POLR1C: variants seen among roughly 807,000 people sequenced by gnomAD.
POLR1C encodes the protein DNA-directed RNA polymerases I and III subunit RPAC1.
Under a neutral mutation model 38.3 loss-of-function variants are expected in POLR1C, and 42 were observed. That is an observed-to-expected ratio of 1.10 (90% CI 0.86 to 1.42). The LOEUF is 1.42. Ranked by LOEUF, POLR1C falls within the 40% of genes most tolerant of loss-of-function variation. The pLI is 0.00. For missense variants in POLR1C, 507 were observed against 450.5 expected (o/e 1.13, Z -1.14); for synonymous variants, 163 against 163.9 (o/e 0.99, Z 0.04).
chr6:43,544,297 T>C (rs6936089), intron 9 of POLR1C: 4,996 of 156,006 alleles, frequency 0.032, 264 homozygotes, highest in African/African-American at 0.11. Flanking sequence ...TGTCTTTCTA[T>C]AGAAAATAGG....
At chr6:43,533,667 T>C (rs1207346092), downstream of POLR1C, 5 of 297,988 alleles carry the variant, frequency 1.7e-5, no homozygotes, top group Admixed American at 2.2e-4. Flanking sequence ...CAAGACTCTG[T>C]CTCAACAAAA....
chr6:43,524,370 A>T, downstream of POLR1C: 4 of 1,419,864 alleles, frequency 2.8e-6, no homozygotes, highest in Non-Finnish European at 3.7e-6. Flanking sequence ...AAAAAAAAAA[A>T]ATCTCACCAT....
intron 9 of POLR1C, chr6:43,548,445 G>A (rs1374439241): frequency 6.4e-7 from 1 of 1,572,872 alleles, no homozygotes; most frequent in South Asian, 1.2e-5. Context: ...TGGTTATAAA[G>A]CATGTCAAAA....
rs61501796 is a variant in POLR1C at position 43,528,666 on chromosome 6, T to C, written c.923-583T>C. Among the ~76,000 whole-genome samples the C allele has an allele frequency of 0.036, 5,456 of 152,202 alleles. 343 individuals carry two copies. Among genetic ancestry groups the C allele is most frequent in the African/African-American group, 0.12 (5,168 of 41,490 alleles). The stretch of plus-strand genomic sequence containing the variant: ...ATCAGTTTAGTTCTTTGGGGGCTGC[T>C]CGATCCTACAGCAAGGATAGTCAGC... On this transcript the variant is annotated intron_variant, in intron 8 of 8. Transcript: ENST00000304004.
intron 10 of POLR1C, among the ~76,000 whole-genome samples, chr6:43,559,291 C>A (rs955409986): frequency 6.6e-6 from 1 of 151,774 alleles, no homozygotes; most frequent in Non-Finnish European, 1.5e-5. Context: ...GGTGAGACTC[C>A]GTCTCAAAAA....
chr6:43,521,417 G>T lies in POLR1C; in HGVS notation c.*117G>T. The T allele has an allele frequency of 6.3e-7, 1 of 1,583,488 alleles. No individual in the cohort carries two copies. The highest frequency in any genetic ancestry group is 8.6e-7 in the Non-Finnish European group (1 of 1,166,586). On this transcript the variant is annotated 3_prime_UTR_variant, in exon 9 of 9. Transcript: ENST00000642195. Reference sequence around the variant, plus strand: ...TCCTGAGTTTTCTGGGACAATTCCAGCTTTAATCAATACATTTTGTTAAAT... The same window carrying T: ...TCCTGAGTTTTCTGGGACAATTCCATCTTTAATCAATACATTTTGTTAAAT...
chr6:43,526,863 G>A, intron 8 of POLR1C: 1 of 1,029,794 alleles, frequency 9.7e-7, no homozygotes, highest in East Asian at 2.6e-5. Flanking sequence ...AGGAAGATGG[G>A]GGTACCGTCC....
chr6:43,533,563 G>A, downstream of POLR1C: 1 of 181,388 alleles, frequency 5.5e-6, no homozygotes. Flanking sequence ...GAACCCATAA[G>A]AACGCCTGTA....
chr6:43,530,197 C>CA (rs1237597251), downstream of POLR1C, among the ~76,000 whole-genome samples: 8 of 152,116 alleles, frequency 5.3e-5, no homozygotes, highest in Admixed American at 5.2e-4. Context: ...GTGGAAGTTG[C>CA]AGTAAGACAA....
downstream of POLR1C, chr6:43,522,762 A>G (rs755730679): frequency 1.3e-5 from 6 of 479,786 alleles, no homozygotes; most frequent in Non-Finnish European, 1.8e-5. Flanking sequence ...TGCAGAGCAC[A>G]TGGACACACT....
downstream of POLR1C, chr6:43,526,171 A>G (rs1040228706): frequency 1.0e-5 from 5 of 496,086 alleles, no homozygotes; most frequent in African/African-American, 7.7e-5. Context: ...CAAATACTGA[A>G]GTTACTTTGT....
rs999071739 is a variant in POLR1C, at chr6:43,547,597, G to A, written c.*5-3371G>A. The A allele has an allele frequency of 6.8e-6, 11 of 1,613,474 alleles. No individual in the cohort carries two copies. In the African/African-American group the frequency reaches 1.1e-4, roughly 16 times the overall value. ...GGCCAATGCCACTTCCCATTCCCAG[G>A]AAAGTCTTACTCGTGCACGGTTTAA... On this transcript the variant is annotated intron_variant, in intron 9 of 10. Transcript: ENST00000607635.
intron 8 of POLR1C, chr6:43,527,751 C>A: frequency 6.2e-7 from 1 of 1,612,450 alleles, no homozygotes. Context: ...ACCAGGGGGC[C>A]AAGTTCCACA....
rs756072030 is a variant in POLR1C at position 43,521,027 on chromosome 6, C to T, written c.901C>T (p.Arg301Trp). The change falls in exon 8 of 9, where the codon CGG becomes TGG. Residue 301 changes from arginine to tryptophan, a missense_variant. By Grantham distance (101) the Arg-to-Trp change is moderately radical (BLOSUM62 -3). Coordinates refer to ENST00000642195, the MANE Select transcript of POLR1C (RefSeq NM_203290.4). ...EKLKKVVRLA[R>W]VRDHYIFSVE... ...GCTAAAGAAGGTTGTGAGGCTTGCCCGGGTTCGAGATCATTATATCTGTGA... is the reference window on the plus strand; with the variant it reads ...GCTAAAGAAGGTTGTGAGGCTTGCCTGGGTTCGAGATCATTATATCTGTGA... 19 of 1,613,830 alleles carry T rather than the reference C, an allele frequency of 1.2e-5. No homozygotes were observed. The highest frequency in any genetic ancestry group is 4.5e-5 in the East Asian group (2 of 44,896).
chr6:43,539,459 T>G (rs201134741), intron 9 of POLR1C: 5 of 1,574,308 alleles, frequency 3.2e-6, no homozygotes, highest in East Asian at 2.2e-5. Flanking sequence ...GGAGAAGAGA[T>G]AGATCTCCTC....
chr6:43,530,609 T>C (rs1793906935), downstream of POLR1C: 1 of 1,513,144 alleles, frequency 6.6e-7, no homozygotes, highest in Non-Finnish European at 9.0e-7. Context: ...GCCTCTTCCC[T>C]CTGGTTGCTG....
At position 43,527,529 on chromosome 6, in the gene POLR1C, A is replaced by C. The variant is rs1793676391; in HGVS notation, c.923-1720A>C. 2.5e-6 allele frequency: 3 copies of C among 1,183,916 alleles called. No individual in the cohort carries two copies. The Admixed American group carries it at 6.0e-5, about 23-fold the overall frequency. The allele number at this position is 1,183,916 out of a possible 1,614,324, so 73.3% of individuals were successfully genotyped here. On this transcript the variant is annotated intron_variant, in intron 8 of 8. Coordinates refer to the POLR1C transcript ENST00000304004. Reference sequence around the variant, plus strand: ...CCTCGCAATCCACCATGCCCGCCGCAAACATGAATCCTTTGCATTAGTCAG... The same window carrying C: ...CCTCGCAATCCACCATGCCCGCCGCCAACATGAATCCTTTGCATTAGTCAG...
chr6:43,553,567 A>G (rs1795362824), intron 10 of POLR1C: 1 of 1,514,188 alleles, frequency 6.6e-7, no homozygotes, highest in African/African-American at 1.4e-5. Context: ...GCATTGAAAG[A>G]TCGCAGAAGA....
chr6:43,529,069 A>G, intron 8 of POLR1C: 1 of 1,107,886 alleles, frequency 9.0e-7, no homozygotes, highest in South Asian at 1.5e-5. Context: ...AAAAAATCTT[A>G]AAGTTCTTTT....
Sources: gnomAD v4.1 joint callset for allele counts (sites outside exome capture counted in the v4.1 genomes callset) on GRCh38, gnomAD v4.1.1 for gene constraint, MANE v1.5 for transcripts, NCBI Gene and HGNC (gene_info 2026-07-23, HGNC 2026-07-21) for gene names.